MRRF: variants seen among roughly 807,000 people sequenced by gnomAD.
The protein encoded by MRRF is mitochondrial ribosome recycling factor, also known as ribosome-recycling factor, mitochondrial.
A neutral mutation model predicts 25.1 loss-of-function variants in MRRF; 18 were observed. The observed-to-expected ratio is 0.72, with a 90% CI of 0.50 to 1.06. MRRF has a LOEUF of 1.06. MRRF is among the 50% of genes least tolerant of loss of function. The probability of loss-of-function intolerance (pLI) is 0.00; values close to 1 mark genes in which losing one functional copy is unlikely to be tolerated. For synonymous variants in MRRF, 113 were observed against 112.1 expected (o/e 1.01, Z -0.05); for missense variants, 323 against 319.3 (o/e 1.01, Z -0.09).
intron 5 of MRRF, among the ~76,000 whole-genome samples, chr9:122,312,592 CA>C (rs1835273589): frequency 1.3e-5 from 2 of 152,130 alleles, no homozygotes; most frequent in Admixed American, 6.5e-5. Flanking sequence ...TTTCAGGACC[CA>C]GGGGGCAGAG....
chr9:122,315,894 A>G (rs1835482628), intron 6 of MRRF, among the ~76,000 whole-genome samples: 1 of 152,112 alleles, frequency 6.6e-6, no homozygotes, highest in Non-Finnish European at 1.5e-5. Flanking sequence ...CCCTCTTGAC[A>G]AAGACCTTGC....
intron 5 of MRRF, among the ~76,000 whole-genome samples, chr9:122,309,058 C>T (rs1465458355): frequency 6.6e-6 from 1 of 152,172 alleles, no homozygotes; most frequent in Non-Finnish European, 1.5e-5. Context: ...TTCCCCCAGC[C>T]CCTGGTAACT....
At chr9:122,308,847 C>T (rs993005914) in intron 5 of MRRF, among the ~76,000 whole-genome samples, 10 of 152,038 alleles carry the variant, frequency 6.6e-5, no homozygotes, top group East Asian at 3.9e-4. Context: ...AGACTACAGG[C>T]GCATACCATG....
chr9:122,319,419 G>A (rs1372882468), intron 6 of MRRF, among the ~76,000 whole-genome samples: 1 of 152,062 alleles, frequency 6.6e-6, no homozygotes, highest in East Asian at 1.9e-4. Flanking sequence ...CAAAGTGCTG[G>A]GATTACAACC....
At position 122,322,794 on chromosome 9, in the gene MRRF, C is replaced by G. The variant is rs564720091; in HGVS notation, c.*177C>G. The G allele has an allele frequency of 1.4e-6, 1 of 689,748 alleles. No homozygotes were observed. The highest frequency in any genetic ancestry group is 1.6e-5 in the South Asian group (1 of 62,420). 42.7% of individuals were successfully genotyped at this position (689,748 alleles called of 1,614,324 possible). On this transcript the variant is annotated 3_prime_UTR_variant, in exon 7 of 7. Coordinates refer to ENST00000344641, the MANE Select transcript of MRRF (RefSeq NM_138777.5). ...ACACTCAGACATGTTCATTCTCTTC[C>G]TGCTTCTGCTCTGGGCCGGTGGGTG...
At chr9:122,297,015 C>T (rs1834130600) in intron 5 of MRRF, among the ~76,000 whole-genome samples, 1 of 152,110 alleles carries the variant, frequency 6.6e-6, no homozygotes, top group Non-Finnish European at 1.5e-5. Flanking sequence ...AATAAAATTA[C>T]ATAAAATATT....
At chr9:122,295,591 G>T (rs543008717) in intron 5 of MRRF, among the ~76,000 whole-genome samples, 1 of 151,964 alleles carries the variant, frequency 6.6e-6, no homozygotes, top group South Asian at 2.1e-4. Flanking sequence ...GATTACAGGC[G>T]CCCGCCACCA....
At chr9:122,284,289 T>C (rs1833252796) in intron 3 of MRRF, among the ~76,000 whole-genome samples, 1 of 152,024 alleles carries the variant, frequency 6.6e-6, no homozygotes, top group South Asian at 2.1e-4. Flanking sequence ...TAAGCACACC[T>C]GAGTTTGGGT....
chr9:122,269,177 A>AAAT lies in MRRF; in HGVS notation c.-28-1673_-28-1671dup, dbSNP rs1025167417. Among the ~76,000 whole-genome samples the AAAT allele has an allele frequency of 5.3e-5, 8 of 150,874 alleles. No homozygotes were observed. In the East Asian group the frequency reaches 5.8e-4, roughly 11 times the overall value. On this transcript the variant is annotated intron_variant, in intron 1 of 6. Coordinates refer to ENST00000344641, the MANE Select transcript of MRRF (RefSeq NM_138777.5). ...TGAGACTCTGTCTCAAAAAAAAAAA[A>AAAT]AATAATAATAATAATAGCCATCATT...
At position 122,298,384 on chromosome 9, in the gene MRRF, A is replaced by C. The variant is rs1390450797; in HGVS notation, c.551+6544A>C. ...CAGGGTATTTATTTATTTTTACTCA[A>C]CTTTATCAAGGTATAACTTATATGC... On this transcript the variant is annotated intron_variant, in intron 5 of 6. Coordinates refer to ENST00000344641, the MANE Select transcript of MRRF (RefSeq NM_138777.5). 1.3e-5 allele frequency among the ~76,000 whole-genome samples: 2 copies of C among 152,172 alleles called. 1 individual carries two copies. Among genetic ancestry groups the C allele is most frequent in the South Asian group, 4.1e-4 (2 of 4,830 alleles).
At chr9:122,310,350 G>A (rs1225207994) in intron 5 of MRRF, among the ~76,000 whole-genome samples, 1 of 152,070 alleles carries the variant, frequency 6.6e-6, no homozygotes, top group African/African-American at 2.4e-5. Flanking sequence ...TTTGGAGCCA[G>A]GGGTTTGTGG....
At position 122,322,961 on chromosome 9, in the gene MRRF, G is replaced by A; in HGVS notation, c.*344G>A. 1 of 358,520 alleles carries A rather than the reference G, an allele frequency of 2.8e-6. No homozygotes were observed. The highest frequency in any genetic ancestry group is 5.4e-5 in the East Asian group (1 of 18,586). The allele number at this position is 358,520 out of a possible 1,614,324, so 22.2% of individuals were successfully genotyped here. On this transcript the variant is annotated 3_prime_UTR_variant, in exon 7 of 7. Coordinates refer to ENST00000344641, the MANE Select transcript of MRRF (RefSeq NM_138777.5). ...AGGAGTCTCCTTTTCAAATAATTAG[G>A]CTCTGTTCCCATTTTAAAACTCTGA...
rs576070770 is a variant in MRRF at position 122,326,343 on chromosome 9, T to C, written c.*3726T>C. Reference sequence around the variant, plus strand: ...GCCAGGCTGGTCTTGAACTCCTGACTCAGGTGATCCACCTGTCTCAGCCTC... The same window carrying C: ...GCCAGGCTGGTCTTGAACTCCTGACCCAGGTGATCCACCTGTCTCAGCCTC... On this transcript the variant is annotated 3_prime_UTR_variant, in exon 7 of 7. Coordinates refer to ENST00000344641, the MANE Select transcript of MRRF (RefSeq NM_138777.5). 1.9e-4 allele frequency: 29 copies of C among 152,028 alleles called. No homozygotes were observed. Among genetic ancestry groups the C allele is most frequent in the African/African-American group, 7.0e-4 (29 of 41,452 alleles). 9.4% of individuals were successfully genotyped at this position (152,028 alleles called of 1,614,324 possible). A position where few individuals can be genotyped will look rare whatever the true frequency, so the allele number is the denominator to read the frequency against.
chr9:122,311,227 A>G (rs557674228), intron 5 of MRRF, among the ~76,000 whole-genome samples: 21 of 152,264 alleles, frequency 1.4e-4, no homozygotes, highest in African/African-American at 4.8e-4. Context: ...CCATCACCCT[A>G]ACTGCTTCTG....
chr9:122,302,340 C>G (rs2118887592), intron 5 of MRRF, among the ~76,000 whole-genome samples: 1 of 152,298 alleles, frequency 6.6e-6, no homozygotes, highest in Non-Finnish European at 1.5e-5. Context: ...AGCAGTCACT[C>G]CTGACTTTGA....
chr9:122,319,845 T>C (rs950891997), intron 6 of MRRF, among the ~76,000 whole-genome samples: 22 of 152,024 alleles, frequency 1.4e-4, no homozygotes, highest in African/African-American at 5.1e-4. Context: ...GCTTGTACTA[T>C]GGTAAAATGT....
chr9:122,299,749 A>G (rs1834325578), intron 5 of MRRF, among the ~76,000 whole-genome samples: 1 of 152,162 alleles, frequency 6.6e-6, no homozygotes, highest in Non-Finnish European at 1.5e-5. Context: ...AGGGTCCTGG[A>G]AACCAAGTGA....
intron 5 of MRRF, among the ~76,000 whole-genome samples, chr9:122,296,626 T>A (rs1025076258): frequency 6.6e-6 from 1 of 152,200 alleles, no homozygotes; most frequent in African/African-American, 2.4e-5. Context: ...ATAGAAGATT[T>A]ATCTGGAATA....
chr9:122,291,427 C>T (rs1245045329), intron 4 of MRRF, among the ~76,000 whole-genome samples: 1 of 152,186 alleles, frequency 6.6e-6, no homozygotes, highest in Non-Finnish European at 1.5e-5. Flanking sequence ...CAGAGACCAG[C>T]CCCCCTCCCT....
Sources: allele counts gnomAD v4.1 joint callset (sites outside exome capture counted in the v4.1 genomes callset), GRCh38; gene constraint gnomAD v4.1.1; transcripts MANE v1.5; gene names NCBI Gene and HGNC (gene_info 2026-07-23, HGNC 2026-07-21).